WDR72: variants seen among roughly 807,000 people sequenced by gnomAD.
WDR72 encodes the protein WD repeat-containing protein 72.
In WDR72, 120 loss-of-function variants were observed where a neutral mutation model predicts 124.2. That is an observed-to-expected ratio of 0.97 (90% CI 0.83 to 1.12). WDR72 has a LOEUF of 1.12. Among genes scored for constraint, WDR72 ranks in the 50% most tolerant of loss-of-function variants. The pLI is 0.00. For missense variants in WDR72, 1,387 were observed against 1,278.8 expected (o/e 1.08, Z -1.29); for synonymous variants, 452 against 441.7 (o/e 1.02, Z -0.29).
intron 18 of WDR72, among the ~76,000 whole-genome samples, chr15:53,586,951 T>G (rs948665768): frequency 6.6e-6 from 1 of 151,988 alleles, no homozygotes; most frequent in Non-Finnish European, 1.5e-5. Context: ...TAAGAATGTC[T>G]AGAATCCCTT....
intron 17 of WDR72, among the ~76,000 whole-genome samples, chr15:53,605,762 G>C (rs1455792739): frequency 6.6e-6 from 1 of 152,148 alleles, no homozygotes; most frequent in Non-Finnish European, 1.5e-5. Context: ...GGATGAGGCA[G>C]AAGCGTCGCT....
rs913095993 is a variant in WDR72 at position 53,514,630 on chromosome 15, T to C, written c.*3069A>G. On this transcript the variant is annotated 3_prime_UTR_variant, in exon 20 of 20. Transcript: ENST00000360509. The stretch of plus-strand genomic sequence containing the variant: ...TTCTACCATTTTTCTAATACCATCA[T>C]GTTCAAAGCAGCCTTAATTTAGTTT... The C allele has an allele frequency of 3.3e-5, 5 of 152,190 alleles. No homozygotes were observed. The highest frequency in any genetic ancestry group is 7.4e-5 in the Non-Finnish European group (5 of 68,024). 9.4% of individuals were successfully genotyped at this position (152,190 alleles called of 1,614,324 possible).
intron 13 of WDR72, among the ~76,000 whole-genome samples, chr15:53,672,312 T>TAAAAAAAAAAAAAA (rs5812704): frequency 7.3e-6 from 1 of 136,448 alleles, no homozygotes. Flanking sequence ...AAATGCCGAT[T>TAAAAAAAAAAAAAA]AAAAAAAAAA....
chr15:53,617,655 A>G (rs2013823705), intron 14 of WDR72, among the ~76,000 whole-genome samples: 1 of 151,906 alleles, frequency 6.6e-6, no homozygotes, highest in South Asian at 2.1e-4. Flanking sequence ...ATAACAATTC[A>G]CAAAACAAAT....
At chr15:53,527,635 G>A (rs753829422) in intron 18 of WDR72, among the ~76,000 whole-genome samples, 1 of 152,024 alleles carries the variant, frequency 6.6e-6, no homozygotes, top group Non-Finnish European at 1.5e-5. Context: ...TGGAAGTAAT[G>A]AGGATATTTA....
intron 14 of WDR72, among the ~76,000 whole-genome samples, chr15:53,657,078 C>T (rs1236077007): frequency 6.6e-6 from 1 of 151,786 alleles, no homozygotes; most frequent in Non-Finnish European, 1.5e-5. Context: ...TCCTGGCTAA[C>T]ACAGTGAAAC....
chr15:53,527,585 A>C (rs55900650), intron 18 of WDR72, among the ~76,000 whole-genome samples: 7,601 of 152,150 alleles, frequency 0.05, 422 homozygotes, highest in African/African-American at 0.14. Context: ...CTTATGAATG[A>C]TTTAAAAATA....
intron 18 of WDR72, among the ~76,000 whole-genome samples, chr15:53,584,575 A>C (rs1174467387): frequency 6.6e-6 from 1 of 152,076 alleles, no homozygotes; most frequent in Admixed American, 6.6e-5. Context: ...CTTGGACAAA[A>C]TTTGGACACA....
chr15:53,532,443 T>C (rs1228954963), intron 18 of WDR72, among the ~76,000 whole-genome samples: 3 of 152,102 alleles, frequency 2.0e-5, no homozygotes, highest in Non-Finnish European at 4.4e-5. Flanking sequence ...CTATACAAAA[T>C]GGAATATTAT....
At chr15:53,553,751 G>A (rs913933147) in intron 18 of WDR72, among the ~76,000 whole-genome samples, 5 of 152,076 alleles carry the variant, frequency 3.3e-5, no homozygotes, top group Non-Finnish European at 5.9e-5. Flanking sequence ...TTTAGATAAC[G>A]GATGTAGAAG....
intron 18 of WDR72, among the ~76,000 whole-genome samples, chr15:53,524,671 C>T (rs1461745963): frequency 6.6e-6 from 1 of 152,104 alleles, no homozygotes; most frequent in African/African-American, 2.4e-5. Context: ...CACCAACTCT[C>T]TCAGGACACA....
chr15:53,741,731 AT>A (rs145376508), intron 1 of WDR72, among the ~76,000 whole-genome samples: 40,655 of 145,426 alleles, frequency 0.28, 6,522 homozygotes, highest in East Asian at 0.48. Context: ...TGTGATCCAG[AT>A]TTTTTTTTTT....
intron 1 of WDR72, among the ~76,000 whole-genome samples, chr15:53,735,590 T>C (rs758572183): frequency 2.0e-5 from 3 of 152,244 alleles, no homozygotes; most frequent in Non-Finnish European, 4.4e-5. Context: ...GTGTCAATTA[T>C]ACTTCAATAA....
intron 2 of WDR72, among the ~76,000 whole-genome samples, chr15:53,725,732 A>G (rs2018004334): frequency 6.6e-6 from 1 of 152,186 alleles, no homozygotes; most frequent in Non-Finnish European, 1.5e-5. Context: ...ACTATACGAC[A>G]TTGTGGAAAA....
chr15:53,589,305 AGTTT>A (rs2012378133), intron 18 of WDR72, among the ~76,000 whole-genome samples: 1 of 123,510 alleles, frequency 8.1e-6, no homozygotes, highest in Admixed American at 9.0e-5. Flanking sequence ...CACGAATTTC[AGTTT>A]GTATTCAAGA....
chr15:53,566,417 C>G (rs996918645), intron 18 of WDR72, among the ~76,000 whole-genome samples: 14 of 152,086 alleles, frequency 9.2e-5, no homozygotes, highest in African/African-American at 3.4e-4. Flanking sequence ...AGAAAAGGAA[C>G]AGATCAGCAT....
intron 18 of WDR72, among the ~76,000 whole-genome samples, chr15:53,594,972 T>G (rs1375875070): frequency 6.6e-6 from 1 of 152,188 alleles, no homozygotes; most frequent in Non-Finnish European, 1.5e-5. Flanking sequence ...CTCTCTTCGA[T>G]GTATTTTATG....
intron 9 of WDR72, among the ~76,000 whole-genome samples, chr15:53,706,632 T>C (rs55654049): frequency 0.03 from 4,555 of 151,672 alleles, 179 homozygotes; most frequent in African/African-American, 0.086. Flanking sequence ...GCTTAATTTC[T>C]TTACAGTTCC....
At chr15:53,675,070 A>G (rs1460171967) in intron 13 of WDR72, among the ~76,000 whole-genome samples, 2 of 152,220 alleles carry the variant, frequency 1.3e-5, no homozygotes, top group Non-Finnish European at 2.9e-5. Flanking sequence ...ATTTATTAAC[A>G]CACGCTAGCA....
Sources: gnomAD v4.1 joint callset for allele counts (sites outside exome capture counted in the v4.1 genomes callset) on GRCh38, gnomAD v4.1.1 for gene constraint, MANE v1.5 for transcripts, NCBI Gene and HGNC (gene_info 2026-07-23, HGNC 2026-07-21) for gene names.